The following ENTPD1 variants were observed in gnomAD, a reference collection of about 807,000 sequenced individuals.
The protein encoded by ENTPD1 is ectonucleoside triphosphate diphosphohydrolase 1.
ENTPD1 carries 33 observed loss-of-function variants against 57.0 expected under a neutral mutation model. That is an observed-to-expected ratio of 0.58 (90% CI 0.44 to 0.77). ENTPD1 has a LOEUF of 0.77. Among genes scored for constraint, ENTPD1 ranks in the 30% least tolerant of loss-of-function variants. The pLI is 0.00. For synonymous variants in ENTPD1, 202 were observed against 218.8 expected, an observed-to-expected ratio of 0.92 and a Z score of 0.68; for missense variants, 501 against 603.4, an observed-to-expected ratio of 0.83 and a Z score of 1.78.
Position 95,711,807 on chromosome 10 carries a change from AT to A in ENTPD1, c.-147del. The A allele has an allele frequency of 6.6e-6, 7 of 1,054,478 alleles. No homozygotes were observed. The South Asian group carries it at 9.2e-5, about 14-fold the overall frequency. The allele number at this position is 1,054,478 out of a possible 1,614,324, so 65.3% of individuals were successfully genotyped here. A position where few individuals can be genotyped will look rare whatever the true frequency, so the allele number is the denominator to read the frequency against. On this transcript the variant is annotated 5_prime_UTR_variant, in exon 1 of 10. Coordinates refer to the ENTPD1 transcript ENST00000453258. ...TACGTGTAAAATTATGATCAAATAA[AT>A]TTGTATGCCTTTTCTCCTATTAACC...
chr10:95,824,630 C>T (rs1376593001), intron 2 of ENTPD1, among the ~76,000 whole-genome samples: 1 of 152,144 alleles, frequency 6.6e-6, no homozygotes, highest in Non-Finnish European at 1.5e-5. Flanking sequence ...TCCAAAAATA[C>T]ATGGTTGCCT....
chr10:95,865,717 C>T (rs2098473077), intron 9 of ENTPD1, among the ~76,000 whole-genome samples: 1 of 152,092 alleles, frequency 6.6e-6, no homozygotes, highest in East Asian at 1.9e-4. Context: ...AAGATTATAC[C>T]TATGTCAAAT....
chr10:95,758,872 G>A (rs1040397627), intron 1 of ENTPD1, among the ~76,000 whole-genome samples: 2 of 152,190 alleles, frequency 1.3e-5, no homozygotes, highest in African/African-American at 4.8e-5. Flanking sequence ...AATGGTTAAG[G>A]TGTCAGGTTT....
chr10:95,811,688 A>G (rs2098308667), intron 1 of ENTPD1, among the ~76,000 whole-genome samples: 1 of 152,142 alleles, frequency 6.6e-6, no homozygotes, highest in Non-Finnish European at 1.5e-5. Flanking sequence ...CTGGCCCCAC[A>G]TCTTGTTTTT....
rs565795069 is a variant in ENTPD1 at position 95,856,784 on chromosome 10, GTA to G, written c.1075-3683_1075-3682del. ...ATGATGTATTAAGTAAAACAAAGCA[GTA>G]TTATAAAAAATTTGTCTAGTATCAT... On this transcript the variant is annotated intron_variant, in intron 7 of 9. Transcript: ENST00000371205. Among the ~76,000 whole-genome samples, 455 of 149,818 alleles carry G rather than the reference GTA, an allele frequency of 3.0e-3. 4 individuals are homozygous for G. The highest frequency in any genetic ancestry group is 9.0e-3 in the African/African-American group (369 of 40,964).
At chr10:95,786,428 G>A (rs2098180154) in intron 1 of ENTPD1, among the ~76,000 whole-genome samples, 1 of 152,174 alleles carries the variant, frequency 6.6e-6, no homozygotes, top group African/African-American at 2.4e-5. Flanking sequence ...GGTTGAAGGA[G>A]ACGCAGGTTC....
intron 1 of ENTPD1, among the ~76,000 whole-genome samples, chr10:95,784,762 C>T (rs2098172187): frequency 6.6e-6 from 1 of 152,088 alleles, no homozygotes; most frequent in Non-Finnish European, 1.5e-5. Context: ...GGAAGTAAAG[C>T]TGGAGGCTGG....
chr10:95,775,931 A>G (rs555149268), intron 1 of ENTPD1, among the ~76,000 whole-genome samples: 1 of 152,214 alleles, frequency 6.6e-6, no homozygotes, highest in South Asian at 2.1e-4. Context: ...GTTGGTTTAA[A>G]GTCTGTTTTA....
At chr10:95,859,464 G>GC (rs898588497) in intron 7 of ENTPD1, among the ~76,000 whole-genome samples, 3 of 152,156 alleles carry the variant, frequency 2.0e-5, no homozygotes, top group Admixed American at 1.3e-4. Flanking sequence ...AAAACTTTAT[G>GC]CCCCCCTCAA....
At chr10:95,776,769 C>T (rs1352867548) in intron 1 of ENTPD1, among the ~76,000 whole-genome samples, 2 of 152,188 alleles carry the variant, frequency 1.3e-5, no homozygotes, top group Non-Finnish European at 2.9e-5. Flanking sequence ...TTTAGGTACA[C>T]CAATCAAATG....
chr10:95,864,226 C>T (rs1382918362), intron 8 of ENTPD1, among the ~76,000 whole-genome samples: 1 of 152,176 alleles, frequency 6.6e-6, no homozygotes, highest in African/African-American at 2.4e-5. Context: ...GCACGTGAAT[C>T]ACCTGGGAAT....
intron 1 of ENTPD1, among the ~76,000 whole-genome samples, chr10:95,776,567 T>A (rs1346115659): frequency 6.6e-6 from 1 of 152,214 alleles, no homozygotes; most frequent in African/African-American, 2.4e-5. Flanking sequence ...TGGTTGCCCT[T>A]AACATTTTTT....
intron 7 of ENTPD1, among the ~76,000 whole-genome samples, chr10:95,859,252 A>G (rs2098461120): frequency 6.6e-6 from 1 of 152,156 alleles, no homozygotes; most frequent in South Asian, 2.1e-4. Flanking sequence ...CTGGTGGAGG[A>G]TATTTTTCCT....
In ENTPD1 at chr10:95,868,058, C is replaced by T; in HGVS notation, c.*1675C>T. The T allele has an allele frequency of 1.0e-6, 1 of 984,866 alleles. No individual in the cohort carries two copies. The highest frequency in any genetic ancestry group is 1.2e-6 in the Non-Finnish European group (1 of 829,418). The allele number at this position is 984,866 out of a possible 1,614,324, so 61.0% of individuals were successfully genotyped here. ...CTGTTGGTTGAGCATTTGTGGTGTA[C>T]CACGCTGTGTGCTCAAGGGTATTAC... On this transcript the variant is annotated 3_prime_UTR_variant, in exon 10 of 10. Transcript: ENST00000371205.
intron 1 of ENTPD1, among the ~76,000 whole-genome samples, chr10:95,769,430 G>A (rs762034348): frequency 6.6e-6 from 1 of 152,250 alleles, no homozygotes; most frequent in Non-Finnish European, 1.5e-5. Context: ...GAGAAATTAA[G>A]TGTTTAAGAA....
chr10:95,753,168 A>G (rs1164671919), upstream of ENTPD1: 8 of 145,906 alleles, frequency 5.5e-5, no homozygotes, highest in Non-Finnish European at 9.0e-5. Context: ...TCTACTTTCT[A>G]TTACAAAAAA....
At position 95,866,497 on chromosome 10, in the gene ENTPD1, C is replaced by G; in HGVS notation, c.*114C>G. On this transcript the variant is annotated 3_prime_UTR_variant, in exon 10 of 10. Coordinates refer to ENST00000371205, the MANE Select transcript of ENTPD1 (RefSeq NM_001776.6). ...CCCTGTCTGCCAGGGCCAGTCTTGA[C>G]GAGTGTGAAGCTTCCTTGGCTTTTA... is the stretch of plus-strand genomic sequence containing the variant. 2 of 1,548,494 alleles carry G rather than the reference C, an allele frequency of 1.3e-6. No individual in the cohort carries two copies. The highest frequency in any genetic ancestry group is 1.7e-6 in the Non-Finnish European group (2 of 1,148,366).
intron 2 of ENTPD1, among the ~76,000 whole-genome samples, chr10:95,832,834 G>T (rs1362902896): frequency 6.6e-6 from 1 of 152,138 alleles, no homozygotes; most frequent in African/African-American, 2.4e-5. Flanking sequence ...GAATTAAATG[G>T]AATAATACAA....
intron 7 of ENTPD1, among the ~76,000 whole-genome samples, chr10:95,859,165 G>T (rs2140963985): frequency 6.6e-6 from 1 of 152,262 alleles, no homozygotes; most frequent in South Asian, 2.1e-4. Context: ...ATTGAAAAAT[G>T]CAACTTTTAA....
Sources: allele counts gnomAD v4.1 joint callset (sites outside exome capture counted in the v4.1 genomes callset), GRCh38; gene constraint gnomAD v4.1.1; transcripts MANE v1.5; gene names NCBI Gene and HGNC (gene_info 2026-07-23, HGNC 2026-07-21).